Variants in CLIP1 observed in about 807,000 individuals in gnomAD.
CLIP1 encodes CAP-Gly domain-containing linker protein 1.
Under a neutral mutation model 161.6 loss-of-function variants are expected in CLIP1, and 66 were observed. That is an observed-to-expected ratio of 0.41 (90% CI 0.33 to 0.50). The LOEUF is 0.50. CLIP1 is among the 20% of genes least tolerant of loss of function. The pLI is 0.27. For synonymous variants in CLIP1, 598 were observed against 626.2 expected (o/e 0.96, Z 0.67); for missense variants, 1,376 against 1,702.0 (o/e 0.81, Z 3.37).
intron 21 of CLIP1, among the ~76,000 whole-genome samples, chr12:122,286,726 C>T (rs1191321639): frequency 6.6e-6 from 1 of 151,064 alleles, no homozygotes; most frequent in African/African-American, 2.4e-5. Context: ...AAGCCGGGTG[C>T]GGTGGCTCAC....
chr12:122,278,726 C>G (rs529269572), intron 23 of CLIP1, 66 bp downstream of exon 23: 14 of 1,486,228 alleles, frequency 9.4e-6, no homozygotes, highest in Non-Finnish European at 1.3e-5. Context: ...AAGAGCATCT[C>G]TACTAGAAAG....
intron 1 of CLIP1, among the ~76,000 whole-genome samples, chr12:122,401,138 C>T (rs1315640344): frequency 6.6e-6 from 1 of 152,014 alleles, no homozygotes; most frequent in African/African-American, 2.4e-5. Context: ...CTCGAACTCC[C>T]GACCTCAGGT....
In CLIP1 at chr12:122,377,879, T is replaced by C. The variant is rs1172315407; in HGVS notation, c.167A>G (p.Asp56Gly). 1 of 1,613,992 alleles carries C rather than the reference T, an allele frequency of 6.2e-7. No homozygotes were observed. The change falls in exon 3 of 26, where the codon GAT (aspartate) becomes GGT (glycine). Residue 56 changes from aspartate (D) to glycine (G), a missense_variant. This residue lies in a region of CLIP1 where 66 missense variants were observed against 67.8 expected (regional missense o/e 0.97). Coordinates refer to ENST00000620786, the MANE Select transcript of CLIP1 (RefSeq NM_001247997.2). The stretch of plus-strand genomic sequence containing the variant: ...AACTCGCTCCCCAACTCGAAAGTCA[T>C]CCACAAATTCCTCCTGAGTCTCAGA... ...PSSETQEEFV[D>G]DFRVGERVWV...
intron 21 of CLIP1, among the ~76,000 whole-genome samples, chr12:122,285,338 C>T (rs1341295453): frequency 6.6e-6 from 1 of 151,890 alleles, no homozygotes; most frequent in East Asian, 1.9e-4. Flanking sequence ...GCAATTCTCC[C>T]GCTTCAGCCT....
At chr12:122,282,690 T>G (rs1462340907) in intron 21 of CLIP1, among the ~76,000 whole-genome samples, 1 of 152,086 alleles carries the variant, frequency 6.6e-6, no homozygotes, top group Non-Finnish European at 1.5e-5. Context: ...TATGTATATA[T>G]ATATACTGCT....
intron 19 of CLIP1, among the ~76,000 whole-genome samples, chr12:122,314,246 G>A (rs1386561835): frequency 6.9e-6 from 1 of 145,390 alleles, no homozygotes; most frequent in African/African-American, 2.6e-5. Flanking sequence ...AGCCGAGACT[G>A]CACCACTGCA....
chr12:122,396,180 G>A (rs1955906116), intron 1 of CLIP1, among the ~76,000 whole-genome samples: 1 of 151,894 alleles, frequency 6.6e-6, no homozygotes, highest in Non-Finnish European at 1.5e-5. Flanking sequence ...AACTTAAAAT[G>A]TTACCCTTGC....
chr12:122,286,709 A>T (rs545080893), intron 21 of CLIP1, among the ~76,000 whole-genome samples: 6 of 151,028 alleles, frequency 4.0e-5, no homozygotes, highest in South Asian at 2.1e-4. Flanking sequence ...ATAAAAAAAA[A>T]TTTTTAAAGC....
At chr12:122,288,672 G>T in intron 20 of CLIP1, 131 bp from the exon 21 acceptor site, 2 of 681,202 alleles carry the variant, frequency 2.9e-6, no homozygotes, top group East Asian at 2.7e-5. Context: ...CAATGAAGAG[G>T]GACAAGTGGT....
chr12:122,276,531 A>C (rs1413955110), intron 24 of CLIP1: 10 of 1,250,156 alleles, frequency 8.0e-6, no homozygotes, highest in Non-Finnish European at 9.4e-6. Flanking sequence ...TTAGTTATTA[A>C]GCCCAGTAGA....
intron 1 of CLIP1, among the ~76,000 whole-genome samples, chr12:122,384,705 G>A (rs992086979): frequency 6.6e-6 from 1 of 151,754 alleles, no homozygotes; most frequent in Non-Finnish European, 1.5e-5. Context: ...AGGTTACAGT[G>A]GGCCGAGATC....
intron 10 of CLIP1, chr12:122,343,919 T>C (rs147531843): frequency 6.6e-6 from 1 of 152,284 alleles, no homozygotes; most frequent in African/African-American, 2.4e-5. Flanking sequence ...ATTTCAAGGA[T>C]CAAAACTCCT....
intron 1 of CLIP1, among the ~76,000 whole-genome samples, chr12:122,397,467 G>C (rs751513268): frequency 1.4e-4 from 21 of 146,036 alleles, no homozygotes; most frequent in Non-Finnish European, 3.1e-4. Flanking sequence ...GGGCATAGTG[G>C]TGCACGCCTG....
At chr12:122,421,221 T>C (rs1956929204) in intron 1 of CLIP1, among the ~76,000 whole-genome samples, 1 of 151,624 alleles carries the variant, frequency 6.6e-6, no homozygotes, top group East Asian at 2.0e-4. Context: ...GCCCAGAGCC[T>C]GGCCACAAGA....
chr12:122,389,965 T>C (rs73222227), intron 1 of CLIP1, among the ~76,000 whole-genome samples: 3,003 of 148,934 alleles, frequency 0.02, 48 homozygotes, highest in Non-Finnish European at 0.033. Context: ...GGGTGGGTCA[T>C]TTAAAAGTGT....
At chr12:122,339,454 C>T (rs1168863350) in intron 11 of CLIP1, among the ~76,000 whole-genome samples, 1 of 152,096 alleles carries the variant, frequency 6.6e-6, no homozygotes, top group Non-Finnish European at 1.5e-5. Context: ...TCTTGTGCCT[C>T]AGCCTCCTGA....
chr12:122,324,773 A>T (rs933371282), intron 17 of CLIP1, among the ~76,000 whole-genome samples: 1 of 152,200 alleles, frequency 6.6e-6, no homozygotes, highest in Non-Finnish European at 1.5e-5. Context: ...TACAATTAAA[A>T]GAAGTACAAA....
chr12:122,368,519 G>A (rs1954277170), intron 3 of CLIP1, among the ~76,000 whole-genome samples: 1 of 152,142 alleles, frequency 6.6e-6, no homozygotes, highest in South Asian at 2.1e-4. Context: ...ATCTCACAGT[G>A]CCTGAGTGCA....
chr12:122,404,913 A>AG (rs1956273826), intron 1 of CLIP1, among the ~76,000 whole-genome samples: 1 of 134,582 alleles, frequency 7.4e-6, no homozygotes, highest in Non-Finnish European at 1.6e-5. Flanking sequence ...AAAAAAAAAC[A>AG]AAACAAAAAA....
Sources: allele counts gnomAD v4.1 joint callset (sites outside exome capture counted in the v4.1 genomes callset), GRCh38; gene constraint gnomAD v4.1.1; regional missense constraint gnomAD v4.1.1; transcripts MANE v1.5; gene names NCBI Gene and HGNC (gene_info 2026-07-23, HGNC 2026-07-21).